Variants in SUCO observed in about 807,000 individuals in gnomAD.
SUCO encodes SUN domain containing ossification factor.
Under a neutral mutation model 148.1 loss-of-function variants are expected in SUCO, and 57 were observed. The observed-to-expected ratio is 0.38, with a 90% CI of 0.31 to 0.48. The LOEUF is 0.48. Ranked by LOEUF, SUCO falls within the 20% of genes least tolerant of loss-of-function variation. SUCO has a pLI of 0.96. For missense variants in SUCO, 1,331 were observed against 1,468.2 expected, an observed-to-expected ratio of 0.91 and a Z score of 1.53; for synonymous variants, 470 against 502.7, an observed-to-expected ratio of 0.93 and a Z score of 0.87.
At position 172,610,438 on chromosome 1, in the gene SUCO, A is replaced by G. The variant is rs746400018; in HGVS notation, c.*179A>G. The G allele has an allele frequency of 6.3e-4, 581 of 926,552 alleles. No homozygotes were observed. The highest frequency in any genetic ancestry group is 1.0e-3 in the Admixed American group (28 of 27,922). The allele number at this position is 926,552 out of a possible 1,614,324, so 57.4% of individuals were successfully genotyped here. On this transcript the variant is annotated 3_prime_UTR_variant, in exon 24 of 24. Transcript: ENST00000263688. ...GTGTCAATCTTGGTTAATGAGCTAC[A>G]GTTTTACAAAGCTGATCACTTCCTA...
At chr1:172,532,831 A>T, upstream of SUCO, 1 of 1,564,290 alleles carries the variant, frequency 6.4e-7, no homozygotes, top group Non-Finnish European at 8.6e-7. Context: ...GCTGAGGATC[A>T]CTGGGCTCCT....
At chr1:172,560,772 A>C (rs901723459) in intron 6 of SUCO, among the ~76,000 whole-genome samples, 1 of 152,238 alleles carries the variant, frequency 6.6e-6, no homozygotes, top group Admixed American at 6.5e-5. Flanking sequence ...ACTTTTAACT[A>C]TCCAGAATTA....
chr1:172,594,903 G>A (rs1358061017), intron 19 of SUCO, among the ~76,000 whole-genome samples: 2 of 152,292 alleles, frequency 1.3e-5, no homozygotes, highest in East Asian at 3.9e-4. Flanking sequence ...TATTGTGTGG[G>A]AGTCTGAGTC....
intron 4 of SUCO, chr1:172,557,034 T>C: frequency 1.0e-6 from 1 of 969,976 alleles, no homozygotes; most frequent in Non-Finnish European, 1.2e-6. Flanking sequence ...TTAGAGAAGA[T>C]ACATTGAGAA....
chr1:172,602,944 C>G, intron 22 of SUCO, 157 bp downstream of exon 22: 1 of 614,788 alleles, frequency 1.6e-6, no homozygotes, highest in Admixed American at 3.0e-5. Context: ...ATCATTTTCA[C>G]ATTTTATATC....
chr1:172,549,056 C>T (rs750522328), intron 1 of SUCO, among the ~76,000 whole-genome samples: 13 of 151,806 alleles, frequency 8.6e-5, no homozygotes, highest in Admixed American at 3.3e-4. Flanking sequence ...GATAATAAAT[C>T]GCTGTCTTAA....
At chr1:172,556,670 A>G (rs1282890355) in intron 4 of SUCO, 2 of 985,018 alleles carry the variant, frequency 2.0e-6, no homozygotes, top group Non-Finnish European at 2.4e-6. Flanking sequence ...GAGTTGCACA[A>G]GATATTATGG....
chr1:172,571,180 TGCGGA>T (rs1436486157), intron 9 of SUCO, among the ~76,000 whole-genome samples: 1 of 152,368 alleles, frequency 6.6e-6, no homozygotes, highest in Admixed American at 6.5e-5. Context: ...TGCCTCAGCC[TGCGGA>T]GTGCCTGCGA....
At position 172,589,790 on chromosome 1, in the gene SUCO, C is replaced by G; in HGVS notation, c.2689C>G (p.Leu897Val). The change falls in exon 18 of 24, where the codon CTA becomes GTA. Residue 897 changes from leucine (L) to valine (V), a missense_variant. Leu to Val is a conservative substitution (Grantham distance 32). This residue lies in a region of SUCO where 992 missense variants were observed against 1,093.5 expected (regional missense o/e 0.91). Transcript: ENST00000263688. Reference protein sequence around the residue: ...FYAELQNSTDLGYANGNLVHG... With the variant: ...FYAELQNSTDVGYANGNLVHG... ...TGCTGAATTGCAAAATTCTACAGATCTAGGATATGCTAATGGAAATCTTGT... is the reference window on the plus strand; with the variant it reads ...TGCTGAATTGCAAAATTCTACAGATGTAGGATATGCTAATGGAAATCTTGT... 6.2e-7 allele frequency: 1 copy of G among 1,612,020 alleles called. No homozygotes were observed.
Position 172,533,263 on chromosome 1 carries a change from A to C in SUCO, c.-173A>C. On this transcript the variant is annotated 5_prime_UTR_variant, in exon 1 of 24. Transcript: ENST00000263688. Reference sequence around the variant, plus strand: ...CTGTCCGCGCCTCTGTGGGGCCCTCAGAGAGGGCTGCCAGGACGCGAGCCA... The same window carrying C: ...CTGTCCGCGCCTCTGTGGGGCCCTCCGAGAGGGCTGCCAGGACGCGAGCCA... The C allele has an allele frequency of 6.5e-7, 1 of 1,549,140 alleles. No homozygotes were observed. The highest frequency in any genetic ancestry group is 1.2e-5 in the South Asian group (1 of 83,934).
At chr1:172,609,698 A>G (rs1658086755) in intron 23 of SUCO, 118 bp from the exon 24 acceptor site, 1 of 1,472,506 alleles carries the variant, frequency 6.8e-7, no homozygotes, top group East Asian at 2.4e-5. Flanking sequence ...TGCTGTTTAT[A>G]ATACTGTTTT....
chr1:172,592,680 C>G (rs1656758068), intron 19 of SUCO, among the ~76,000 whole-genome samples: 1 of 152,140 alleles, frequency 6.6e-6, no homozygotes, highest in African/African-American at 2.4e-5. Context: ...GTTACTGTAG[C>G]CTTGTAGTAT....
At chr1:172,556,113 A>C in intron 4 of SUCO, 90 bp downstream of exon 4, 4 of 1,018,988 alleles carry the variant, frequency 3.9e-6, no homozygotes, top group Non-Finnish European at 5.8e-6. Context: ...CTTGATACTC[A>C]AGTTTGAAGT....
At chr1:172,583,975 C>T (rs956518251) in intron 15 of SUCO, among the ~76,000 whole-genome samples, 2 of 152,124 alleles carry the variant, frequency 1.3e-5, no homozygotes, top group African/African-American at 2.4e-5. Flanking sequence ...GTAGGGTTAG[C>T]AGGTATGCAA....
intron 6 of SUCO, among the ~76,000 whole-genome samples, chr1:172,562,135 T>G (rs1338145444): frequency 1.3e-5 from 2 of 152,146 alleles, no homozygotes; most frequent in Admixed American, 6.5e-5. Flanking sequence ...GACCTCTCTC[T>G]AAGACTAAAC....
chr1:172,600,192 G>A (rs182010250), intron 20 of SUCO, 24 bp downstream of exon 20: 15 of 1,485,756 alleles, frequency 1.0e-5, no homozygotes, highest in Middle Eastern at 1.7e-4. Context: ...CTGGTATTGC[G>A]AGACCCAATG....
intron 9 of SUCO, among the ~76,000 whole-genome samples, chr1:172,572,591 A>G (rs1035986692): frequency 4.6e-5 from 7 of 151,506 alleles, no homozygotes; most frequent in African/African-American, 1.7e-4. Flanking sequence ...CTGCATAGGA[A>G]AACCAGAGAC....
chr1:172,533,009 A>G (rs986925824), upstream of SUCO: 3 of 1,422,334 alleles, frequency 2.1e-6, no homozygotes, highest in African/African-American at 4.3e-5. Context: ...GCGCCGCGGG[A>G]CTTGGGTGAC....
chr1:172,570,595 A>G, intron 8 of SUCO, 68 bp from the exon 9 acceptor site: 1 of 1,099,554 alleles, frequency 9.1e-7, no homozygotes, highest in South Asian at 1.4e-5. Context: ...AGAAAACTTT[A>G]AAGTTAAAAT....
Sources: gnomAD v4.1 joint callset for allele counts (sites outside exome capture counted in the v4.1 genomes callset) on GRCh38, gnomAD v4.1.1 for gene constraint, gnomAD v4.1.1 regional missense constraint, MANE v1.5 for transcripts, NCBI Gene and HGNC (gene_info 2026-07-23, HGNC 2026-07-21) for gene names.